Variants in CACNB2 observed in about 807,000 individuals in gnomAD.
The protein encoded by CACNB2 is voltage-dependent L-type calcium channel subunit beta-2.
Under a neutral mutation model 73.3 loss-of-function variants are expected in CACNB2, and 42 were observed. The observed-to-expected ratio is 0.57, with a 90% CI of 0.45 to 0.74. CACNB2 has a LOEUF of 0.74. CACNB2 is among the 30% of genes least tolerant of loss of function. The pLI is 0.00. For synonymous variants in CACNB2, 348 were observed against 310.3 expected, an observed-to-expected ratio of 1.12 and a Z score of -1.28; for missense variants, 940 against 853.0, an observed-to-expected ratio of 1.10 and a Z score of -1.27.
At chr10:18,220,109 TA>T (rs2035674645) in intron 2 of CACNB2, among the ~76,000 whole-genome samples, 1 of 32,174 alleles carries the variant, frequency 3.1e-5, no homozygotes, top group African/African-American at 2.1e-4. Context: ...TTTTATTTTT[TA>T]ATATATATAT....
intron 3 of CACNB2, among the ~76,000 whole-genome samples, chr10:18,468,287 A>G (rs11014369): frequency 0.12 from 17,600 of 152,056 alleles, 1,654 homozygotes; most frequent in African/African-American, 0.25. Flanking sequence ...GCGAAAACCC[A>G]TCTCCACAAA....
At chr10:18,336,421 C>T (rs1350111949) in intron 2 of CACNB2, among the ~76,000 whole-genome samples, 1 of 152,138 alleles carries the variant, frequency 6.6e-6, no homozygotes, top group Non-Finnish European at 1.5e-5. Context: ...GAGTTCAAGA[C>T]CAGCCTGGCC....
At chr10:18,202,422 T>C (rs1367203587) in intron 2 of CACNB2, among the ~76,000 whole-genome samples, 1 of 152,202 alleles carries the variant, frequency 6.6e-6, no homozygotes, top group Non-Finnish European at 1.5e-5. Flanking sequence ...TGAGCCACCA[T>C]ATATTATAGG....
At chr10:18,366,182 C>T (rs1271861856) in intron 2 of CACNB2, among the ~76,000 whole-genome samples, 1 of 152,124 alleles carries the variant, frequency 6.6e-6, no homozygotes, top group Non-Finnish European at 1.5e-5. Context: ...GAATGAAATT[C>T]TCGCTGAGGG....
intron 9 of CACNB2, among the ~76,000 whole-genome samples, chr10:18,520,284 G>A (rs867814166): frequency 1.3e-5 from 2 of 152,032 alleles, no homozygotes; most frequent in Non-Finnish European, 2.9e-5. Context: ...TTTCAGTCCC[G>A]AGACCCTTCA....
At chr10:18,251,249 T>A (rs963161699) in intron 2 of CACNB2, among the ~76,000 whole-genome samples, 2 of 152,092 alleles carry the variant, frequency 1.3e-5, no homozygotes, top group Non-Finnish European at 2.9e-5. Flanking sequence ...GGCTCTTTTT[T>A]TTTTTCTTTT....
intron 3 of CACNB2, among the ~76,000 whole-genome samples, chr10:18,459,874 T>G (rs2047472968): frequency 1.3e-5 from 2 of 152,138 alleles, no homozygotes; most frequent in South Asian, 2.1e-4. Flanking sequence ...GATGGGTGCC[T>G]GTAATCTCAG....
At chr10:18,208,319 T>G (rs1042304059) in intron 2 of CACNB2, among the ~76,000 whole-genome samples, 4 of 152,098 alleles carry the variant, frequency 2.6e-5, no homozygotes, top group African/African-American at 7.2e-5. Context: ...CAAAAAACTT[T>G]TTTTTAATTA....
Position 18,540,641 on chromosome 10 carries a change from T to TGTGACACATTCTTA in CACNB2, c.*920_*933dup, listed in dbSNP as rs1255172349. 2.0e-5 allele frequency: 3 copies of TGTGACACATTCTTA among 152,632 alleles called. No individual in the cohort carries two copies. The highest frequency in any genetic ancestry group is 6.5e-5 in the Admixed American group (1 of 15,278). 9.5% of individuals were successfully genotyped at this position (152,632 alleles called of 1,614,324 possible). On this transcript the variant is annotated 3_prime_UTR_variant, in exon 14 of 14. Transcript: ENST00000324631. ...TCTACTCCATACAGTTCACACTGAT[T>TGTGACACATTCTTA]GTGACACATTCTTAGTAGCTAGTGT...
chr10:18,209,256 A>G (rs2131344007), intron 2 of CACNB2, among the ~76,000 whole-genome samples: 1 of 152,358 alleles, frequency 6.6e-6, no homozygotes, highest in South Asian at 2.1e-4. Context: ...TTTGACGGCA[A>G]CATCACCTGC....
At chr10:18,426,312 A>G (rs2045597039) in intron 3 of CACNB2, among the ~76,000 whole-genome samples, 1 of 152,102 alleles carries the variant, frequency 6.6e-6, no homozygotes, top group African/African-American at 2.4e-5. Flanking sequence ...AAGGTCATAT[A>G]TTTTTTAGAT....
chr10:18,168,384 G>T (rs908195282), intron 2 of CACNB2, among the ~76,000 whole-genome samples: 17 of 152,120 alleles, frequency 1.1e-4, no homozygotes, highest in Non-Finnish European at 1.2e-4. Flanking sequence ...AGATAACTAA[G>T]TAATTTTCCC....
At chr10:18,449,994 T>A (rs2046938744) in intron 3 of CACNB2, among the ~76,000 whole-genome samples, 1 of 152,338 alleles carries the variant, frequency 6.6e-6, no homozygotes, top group Middle Eastern at 3.4e-3. Flanking sequence ...GCTGGCGGCA[T>A]GAGGCAGAAA....
intron 2 of CACNB2, among the ~76,000 whole-genome samples, chr10:18,162,816 C>T (rs1009269285): frequency 3.3e-5 from 5 of 152,054 alleles, no homozygotes; most frequent in Admixed American, 1.3e-4. Flanking sequence ...CTGTGTGAGC[C>T]GAGAGGAAGT....
intron 3 of CACNB2, among the ~76,000 whole-genome samples, chr10:18,490,748 A>AC (rs1299420289): frequency 1.3e-5 from 2 of 150,012 alleles, no homozygotes; most frequent in African/African-American, 2.4e-5. Flanking sequence ...ACAGGATCCT[A>AC]CCTAGGGCTG....
chr10:18,424,010 T>C (rs1470531308), intron 3 of CACNB2, among the ~76,000 whole-genome samples: 1 of 151,998 alleles, frequency 6.6e-6, no homozygotes, highest in Non-Finnish European at 1.5e-5. Flanking sequence ...TTAAATAATA[T>C]ATAAGAGTAT....
At chr10:18,179,091 G>C (rs1481246490) in intron 2 of CACNB2, among the ~76,000 whole-genome samples, 1 of 152,186 alleles carries the variant, frequency 6.6e-6, no homozygotes, top group East Asian at 1.9e-4. Context: ...GCTTTTACCA[G>C]TTGAGTAACC....
In CACNB2 at chr10:18,249,918, A is replaced by ATT. The variant is rs569456835; in HGVS notation, c.213+98947_213+98948dup. ...CCTCTGATCCTGCTCCTCCCTAAAT[A>ATT]TTTTTCTTCTCAGGAAATGGAGCAA... On this transcript the variant is annotated intron_variant, in intron 2 of 13. Transcript: ENST00000324631. Among the ~76,000 whole-genome samples, 779 of 151,908 alleles carry ATT rather than the reference A, an allele frequency of 5.1e-3. 5 individuals are homozygous for ATT. The highest frequency in any genetic ancestry group is 0.017 in the African/African-American group (724 of 41,410).
chr10:18,409,227 G>A (rs1288005735), intron 3 of CACNB2, among the ~76,000 whole-genome samples: 1 of 151,962 alleles, frequency 6.6e-6, no homozygotes, highest in African/African-American at 2.4e-5. Flanking sequence ...TGAACCCGGA[G>A]GCGGAGGTTG....
Sources: allele counts gnomAD v4.1 joint callset (sites outside exome capture counted in the v4.1 genomes callset), GRCh38; gene constraint gnomAD v4.1.1; transcripts MANE v1.5; gene names NCBI Gene and HGNC (gene_info 2026-07-23, HGNC 2026-07-21).